The following TFCP2L1 variants were observed in gnomAD, a reference collection of about 807,000 sequenced individuals.
TFCP2L1 encodes the protein transcription factor CP2 like 1, also known as transcription factor CP2-like protein 1.
A neutral mutation model predicts 72.2 loss-of-function variants in TFCP2L1; 12 were observed. That is an observed-to-expected ratio of 0.17 (90% CI 0.11 to 0.27). The LOEUF is 0.27. Among genes scored for constraint, TFCP2L1 ranks in the 10% least tolerant of loss-of-function variants. The pLI, the probability that TFCP2L1 is intolerant of heterozygous loss-of-function variation, is 1.00. For synonymous variants in TFCP2L1, 260 were observed against 251.0 expected (o/e 1.04, Z -0.34); for missense variants, 488 against 624.6 (o/e 0.78, Z 2.33).
At position 121,216,662 on chromosome 2, in the gene TFCP2L1, T is replaced by C. The variant is rs1031687291; in HGVS notation, c.*7679A>G. On this transcript the variant is annotated 3_prime_UTR_variant, in exon 15 of 15. Coordinates refer to ENST00000263707, the MANE Select transcript of TFCP2L1 (RefSeq NM_014553.3). ...ACATACAGACTTCTCGTCCGCACTA[T>C]GGTACAGTAACAAGTGCAAAATATG... 8 of 152,232 alleles carry C rather than the reference T, an allele frequency of 5.3e-5. No homozygotes were observed. Among genetic ancestry groups the C allele is most frequent in the African/African-American group, 1.9e-4 (8 of 41,448 alleles). The allele number at this position is 152,232 out of a possible 1,614,324, so 9.4% of individuals were successfully genotyped here. A position where few individuals can be genotyped will look rare whatever the true frequency, so the allele number is the denominator to read the frequency against.
chr2:121,275,887 C>T (rs905526372), intron 2 of TFCP2L1, among the ~76,000 whole-genome samples: 7 of 152,100 alleles, frequency 4.6e-5, no homozygotes, highest in Middle Eastern at 3.2e-3. Flanking sequence ...GAAGTCTTAA[C>T]GGTTATAACC....
intron 8 of TFCP2L1, 50 bp from the exon 9 acceptor site, chr2:121,237,900 A>G: frequency 6.2e-7 from 1 of 1,602,530 alleles, no homozygotes; most frequent in South Asian, 1.1e-5. Context: ...TCCCAGGGCA[A>G]TGGCCACGGT....
intron 2 of TFCP2L1, among the ~76,000 whole-genome samples, chr2:121,277,519 G>A (rs1687171216): frequency 6.6e-6 from 1 of 152,128 alleles, no homozygotes; most frequent in South Asian, 2.1e-4. Flanking sequence ...CAAATCCTTT[G>A]ATCCAGAAAT....
intron 2 of TFCP2L1, among the ~76,000 whole-genome samples, chr2:121,251,944 A>G (rs1186596833): frequency 6.6e-6 from 1 of 152,260 alleles, no homozygotes; most frequent in African/African-American, 2.4e-5. Flanking sequence ...ACTTCTATGT[A>G]TGAATGTAAA....
chr2:121,225,606 T>C lies in TFCP2L1; in HGVS notation c.1349A>G (p.Gln450Arg). Residue 450 changes from glutamine to arginine, a missense_variant, in exon 14 of 15, where the codon CAG (glutamine) becomes CGG (arginine). Physicochemically the swap from Gln to Arg is conservative, Grantham distance 43. Transcript: ENST00000263707. ...AAAACAGGATTCATCTTGGAAGTTC[T>C]GCACCATCTGAGAGACAAAAGAGAG... ...IHVVVSNEMV[Q>R]NFQDESCFVL... The C allele has an allele frequency of 6.2e-7, 1 of 1,614,132 alleles. No individual in the cohort carries two copies. Among genetic ancestry groups the C allele is most frequent in the Non-Finnish European group, 8.5e-7 (1 of 1,180,008 alleles).
intron 2 of TFCP2L1, 127 bp from the exon 3 acceptor site, chr2:121,249,774 A>G: frequency 1.1e-6 from 1 of 909,662 alleles, no homozygotes; most frequent in Non-Finnish European, 1.7e-6. Flanking sequence ...AGCAAAGCAG[A>G]GAAGAAAACC....
intron 2 of TFCP2L1, among the ~76,000 whole-genome samples, chr2:121,259,667 C>T (rs1014914283): frequency 2.0e-5 from 3 of 152,176 alleles, no homozygotes; most frequent in Non-Finnish European, 4.4e-5. Flanking sequence ...AAGCCATCCA[C>T]CATACACACA....
rs1423703857 is a variant in TFCP2L1, at chr2:121,246,735, GA to G, written c.657+82del. 7.7e-6 allele frequency: 12 copies of G among 1,567,006 alleles called. 1 individual carries two copies. The South Asian group carries it at 1.3e-4, about 16-fold the overall frequency. On this transcript the variant is annotated intron_variant, in intron 6 of 14. Coordinates refer to ENST00000263707, the MANE Select transcript of TFCP2L1 (RefSeq NM_014553.3). ...GCGTTCCTCGCTGGGCCTGTAAGAG[GA>G]AACTCCAGGGTCTCTGTGGGCGAAT...
chr2:121,281,739 C>A (rs1019618821), intron 1 of TFCP2L1, among the ~76,000 whole-genome samples: 3 of 152,118 alleles, frequency 2.0e-5, no homozygotes, highest in Non-Finnish European at 4.4e-5. Context: ...CAACTCTGTC[C>A]TCCAGGCTCT....
At chr2:121,255,695 A>G (rs1017238809) in intron 2 of TFCP2L1, among the ~76,000 whole-genome samples, 3 of 151,468 alleles carry the variant, frequency 2.0e-5, no homozygotes, top group Admixed American at 6.6e-5. Context: ...CAAAGGTCCC[A>G]TCTGGCTCCA....
At chr2:121,281,302 CAGAGCCCCAGGGGGCT>C (rs766690306) in intron 1 of TFCP2L1, 31 bp from the exon 2 acceptor site, 1 of 1,564,176 alleles carries the variant, frequency 6.4e-7, no homozygotes, top group Non-Finnish European at 8.6e-7. Flanking sequence ...AGGTCAGGAG[CAGAGCCCCAGGGGGCT>C]CCTGCACAGA....
In TFCP2L1 at chr2:121,219,756, C is replaced by A. The variant is rs926849317; in HGVS notation, c.*4585G>T. On this transcript the variant is annotated 3_prime_UTR_variant, in exon 15 of 15. Coordinates refer to ENST00000263707, the MANE Select transcript of TFCP2L1 (RefSeq NM_014553.3). ...AAAATGCTAGGATTAGAGGCATGGG[C>A]CACCACGTCCAGCTTTTTGTACGAT... The A allele has an allele frequency of 2.0e-5, 3 of 152,230 alleles. No homozygotes were observed. Among genetic ancestry groups the A allele is most frequent in the African/African-American group, 7.2e-5 (3 of 41,450 alleles). The allele number at this position is 152,230 out of a possible 1,614,324, so 9.4% of individuals were successfully genotyped here.
chr2:121,272,119 C>G (rs1212152797), intron 2 of TFCP2L1, among the ~76,000 whole-genome samples: 1 of 152,148 alleles, frequency 6.6e-6, no homozygotes, highest in Non-Finnish European at 1.5e-5. Flanking sequence ...GGTGCTTCCC[C>G]TTCCAGAACT....
intron 2 of TFCP2L1, among the ~76,000 whole-genome samples, chr2:121,254,096 C>T (rs1049557057): frequency 1.3e-5 from 2 of 152,168 alleles, no homozygotes; most frequent in Admixed American, 6.5e-5. Flanking sequence ...GCCAGGACAG[C>T]GGGCTATGAG....
At chr2:121,274,587 G>A (rs1235501408) in intron 2 of TFCP2L1, among the ~76,000 whole-genome samples, 1 of 152,128 alleles carries the variant, frequency 6.6e-6, no homozygotes, top group African/African-American at 2.4e-5. Context: ...AAAAATCCAA[G>A]AAAATTCAAA....
Position 121,242,472 on chromosome 2 carries a change from G to T in TFCP2L1, c.658-3C>A, listed in dbSNP as rs1192255130. On this transcript the variant is annotated splice_polypyrimidine_tract_variant and splice_region_variant and intron_variant, in intron 6 of 14. Coordinates refer to ENST00000263707, the MANE Select transcript of TFCP2L1 (RefSeq NM_014553.3). ...TGTTTCCGATCGGCTCCCTTCGGCT[G>T]CGAGCAGAGTACAGAGTCCAATCAG... 6.2e-7 allele frequency: 1 copy of T among 1,613,828 alleles called. No homozygotes were observed. The highest frequency in any genetic ancestry group is 1.7e-5 in the Admixed American group (1 of 60,018).
intron 6 of TFCP2L1, among the ~76,000 whole-genome samples, chr2:121,244,784 G>C (rs750488491): frequency 6.6e-6 from 1 of 152,158 alleles, no homozygotes; most frequent in South Asian, 2.1e-4. Flanking sequence ...GCCTGACGGG[G>C]GCCAAGGCTG....
At chr2:121,237,234 G>A (rs1245640096) in intron 10 of TFCP2L1, among the ~76,000 whole-genome samples, 2 of 152,236 alleles carry the variant, frequency 1.3e-5, no homozygotes, top group Non-Finnish European at 2.9e-5. Context: ...CTCACCTCCA[G>A]CTCCCAGGTC....
At chr2:121,240,571 T>A in intron 7 of TFCP2L1, 1 of 985,394 alleles carries the variant, frequency 1.0e-6, no homozygotes, top group Non-Finnish European at 1.2e-6. Flanking sequence ...AGCCGGTGCC[T>A]CCCAGGGTGG....
Sources: allele counts gnomAD v4.1 joint callset (sites outside exome capture counted in the v4.1 genomes callset), GRCh38; gene constraint gnomAD v4.1.1; transcripts MANE v1.5; gene names NCBI Gene and HGNC (gene_info 2026-07-23, HGNC 2026-07-21).